PAK4: variants seen among roughly 807,000 people sequenced by gnomAD.
PAK4 encodes serine/threonine-protein kinase PAK 4.
A neutral mutation model predicts 53.5 loss-of-function variants in PAK4; 49 were observed. The observed-to-expected ratio is 0.92, with a 90% CI of 0.73 to 1.16. The LOEUF (loss-of-function observed/expected upper bound fraction) is 1.16, where lower values mean the gene tolerates loss of function less well. PAK4 is among the 50% of genes most tolerant of loss of function. The pLI, the probability that PAK4 is intolerant of heterozygous loss-of-function variation, is 0.00. For synonymous variants in PAK4, 376 were observed against 375.6 expected (o/e 1.00, Z -0.01); for missense variants, 824 against 850.7 (o/e 0.97, Z 0.39).
At chr19:39,156,813 T>G (rs1205412419) in intron 1 of PAK4, 2 of 152,242 alleles carry the variant, frequency 1.3e-5, no homozygotes, top group African/African-American at 4.8e-5. Context: ...CCCGCCCCAT[T>G]GAGGGTGGCC....
In PAK4 at chr19:39,175,132, C is replaced by A; in HGVS notation, c.1232+68C>A. 1 of 1,539,862 alleles carries A rather than the reference C, an allele frequency of 6.5e-7. No homozygotes were observed. The highest frequency in any genetic ancestry group is 8.8e-7 in the Non-Finnish European group (1 of 1,134,416). ...CCCCTCCAGACCACTAGGGGTGGGG[C>A]CACATCTCCAAACCAGCTGTGCTCC... On this transcript the variant is annotated intron_variant, in intron 5 of 8. Coordinates refer to ENST00000358301, the Ensembl canonical transcript of PAK4. The surrounding 1 kb of genome is among the most constrained non-coding windows in gnomAD (Gnocchi z 4.7).
intron 2 of PAK4, among the ~76,000 whole-genome samples, chr19:39,171,397 C>T (rs1431854369): frequency 5.9e-5 from 9 of 152,148 alleles, no homozygotes; most frequent in South Asian, 4.1e-4. Context: ...TTAGTAGAGA[C>T]GGGTTTTCGC....
At chr19:39,171,536 G>A (rs1321955174) in intron 2 of PAK4, among the ~76,000 whole-genome samples, 3 of 152,152 alleles carry the variant, frequency 2.0e-5, no homozygotes, top group Non-Finnish European at 4.4e-5. Context: ...GTCTGGCCTT[G>A]TGTCCACCTT....
intron 7 of PAK4, among the ~76,000 whole-genome samples, chr19:39,176,997 A>T (rs1346634792): frequency 6.6e-6 from 1 of 151,640 alleles, no homozygotes; most frequent in Non-Finnish European, 1.5e-5. Flanking sequence ...GCCTCCCGAG[A>T]AGCTGGTTTT....
Position 39,173,957 on chromosome 19 carries a change from G to C in PAK4, c.1045G>C (p.Val349Leu). Residue 349 changes from valine to leucine, a missense_variant, in exon 4 of 9, where the codon GTC becomes CTC. By Grantham distance (32) the Val-to-Leu change is conservative. Around this residue, in one of 2 missense-constraint regions of PAK4, gnomAD observed 346 missense variants for 415.0 expected, o/e 0.83. Coordinates refer to ENST00000358301, the Ensembl canonical transcript of PAK4. The surrounding 1 kb of genome is among the most constrained non-coding windows in gnomAD (Gnocchi z 6.9). ...GCGCAGCTCGGGCAAGCTGGTGGCC[G>C]TCAAGAAGATGGACCTGCGCAAGCA... is the stretch of plus-strand genomic sequence containing the variant. 2 of 1,610,124 alleles carry C rather than the reference G, an allele frequency of 1.2e-6. No individual in the cohort carries two copies. The highest frequency in any genetic ancestry group is 1.7e-6 in the Non-Finnish European group (2 of 1,179,222).
chr19:39,165,429 G>A (rs1033034364), intron 1 of PAK4, among the ~76,000 whole-genome samples: 59 of 149,984 alleles, frequency 3.9e-4, no homozygotes, highest in Non-Finnish European at 1.6e-4. Context: ...GCAGGAGAAT[G>A]GCGCAAACCC....
At chr19:39,160,953 A>T (rs1480670639) in intron 1 of PAK4, among the ~76,000 whole-genome samples, 1 of 151,908 alleles carries the variant, frequency 6.6e-6, no homozygotes, top group African/African-American at 2.4e-5. Context: ...GGGGATGTTG[A>T]CTTGCCTTCT....
At chr19:39,177,253 T>C (rs1225270187) in intron 7 of PAK4, among the ~76,000 whole-genome samples, 1 of 152,184 alleles carries the variant, frequency 6.6e-6, no homozygotes, top group Non-Finnish European at 1.5e-5. Flanking sequence ...GGGAAGTGTC[T>C]CCCACCTATG....
intron 1 of PAK4, among the ~76,000 whole-genome samples, chr19:39,126,832 G>T (rs1378886040): frequency 6.6e-6 from 1 of 152,192 alleles, no homozygotes; most frequent in African/African-American, 2.4e-5. Flanking sequence ...CTTGTGAAGT[G>T]AGTGCTCAAG....
rs764277316 is a variant in PAK4, at chr19:39,178,534, G to A, written c.1731G>A (p.Pro577=). The A allele has an allele frequency of 5.1e-5, 82 of 1,610,316 alleles. 2 individuals are homozygous for A. In the Admixed American group the frequency reaches 1.3e-3, roughly 25 times the overall value. ...ACCCATTCCTGGCCAAGGCAGGGCC[G>A]CCTGCCAGCATCGTGCCCCTCATGC... is the stretch of plus-strand genomic sequence containing the variant. Residue 577 remains proline (P), a synonymous_variant, in exon 9 of 9, where the codon CCG becomes CCA. Coordinates refer to ENST00000358301, the Ensembl canonical transcript of PAK4. The surrounding 1 kb of genome is among the most constrained non-coding windows in gnomAD (Gnocchi z 4.4).
chr19:39,172,327 C>A (rs566482920), intron 2 of PAK4, among the ~76,000 whole-genome samples: 15 of 152,124 alleles, frequency 9.9e-5, no homozygotes, highest in Non-Finnish European at 2.1e-4. Flanking sequence ...CCGGGTGACT[C>A]GGGATGCACT....
intron 1 of PAK4, among the ~76,000 whole-genome samples, chr19:39,149,722 G>A (rs1347651200): frequency 3.3e-5 from 5 of 152,140 alleles, no homozygotes; most frequent in Non-Finnish European, 7.4e-5. Flanking sequence ...TGGGCGTGGT[G>A]GTGGGCGCCT....
At chr19:39,158,120 A>AGTGC (rs1220559980) in intron 1 of PAK4, among the ~76,000 whole-genome samples, 2 of 147,532 alleles carry the variant, frequency 1.4e-5, no homozygotes, top group Non-Finnish European at 3.0e-5. Context: ...GCATTGTGTG[A>AGTGC]GTGCGTGCGT....
In PAK4 at chr19:39,178,499, C is replaced by T. The variant is rs1226648233; in HGVS notation, c.1696C>T (p.Leu566=). ...TGCCCAGCGGGCCACGGCAGCCGAG[C>T]TGCTGAAGCACCCATTCCTGGCCAA... Residue 566 remains leucine (L), a synonymous_variant, in exon 9 of 9, where the codon CTG becomes TTG. Coordinates refer to ENST00000358301, the Ensembl canonical transcript of PAK4. The surrounding 1 kb of genome is among the most constrained non-coding windows in gnomAD (Gnocchi z 4.4). 1 of 1,612,308 alleles carries T rather than the reference C, an allele frequency of 6.2e-7. No homozygotes were observed. The highest frequency in any genetic ancestry group is 8.5e-7 in the Non-Finnish European group (1 of 1,179,680).
chr19:39,169,305 G>A (rs919214002), intron 1 of PAK4, among the ~76,000 whole-genome samples: 2 of 152,134 alleles, frequency 1.3e-5, no homozygotes, highest in South Asian at 4.1e-4. Context: ...AGACAGAGCG[G>A]CAGGAAAGTT....
rs775997277 is a variant in PAK4 at position 39,175,470 on chromosome 19, G to A, written c.1359+32G>A. The stretch of plus-strand genomic sequence containing the variant: ...GGACGGGCGGCGGGGTACGGGGGCG[G>A]CAGGTTTCCGGCTGCGGGGCTTCCC... On this transcript the variant is annotated intron_variant, in intron 6 of 8. Transcript: ENST00000358301. This position sits in a 1 kb window ranked among gnomAD's most constrained non-coding sequence, Gnocchi z 4.7. 2 of 1,579,258 alleles carry A rather than the reference G, an allele frequency of 1.3e-6. No individual in the cohort carries two copies. The highest frequency in any genetic ancestry group is 1.2e-5 in the South Asian group (1 of 86,652).
Position 39,173,190 on chromosome 19 carries a change from GC to G in PAK4, c.480del (p.Lys161SerfsTer208). 1.3e-6 allele frequency: 2 copies of G among 1,545,594 alleles called. No individual in the cohort carries two copies. The highest frequency in any genetic ancestry group is 2.0e-5 in the Admixed American group (1 of 50,870). ...GGCGACGGGCGGGGCCAGAGAAGAG[GC>G]CCAAGTCTTCCAGGGAGGGCTCAGG... On this transcript the variant is annotated frameshift_variant, in exon 3 of 9. Transcript: ENST00000358301. LOFTEE classifies it high-confidence loss of function. This position sits in a 1 kb window ranked among gnomAD's most constrained non-coding sequence, Gnocchi z 6.9.
rs1284215008 is a variant in PAK4 at position 39,173,594 on chromosome 19, G to T, written c.682G>T (p.Ala228Ser). The T allele has an allele frequency of 1.2e-5, 19 of 1,526,118 alleles. No homozygotes were observed. The highest frequency in any genetic ancestry group is 1.7e-5 in the Non-Finnish European group (19 of 1,139,020). The allele number at this position is 1,526,118 out of a possible 1,614,324, so 94.5% of individuals were successfully genotyped here. ...GTTTCAGGGGGAGCCTCATGACGTG[G>T]CCCCTAACGGGCCATCAGCGGGGGG... Residue 228 changes from alanine (A) to serine (S), a missense_variant, in exon 4 of 9, where the codon GCC (alanine) becomes TCC (serine). By Grantham distance (99) the Ala-to-Ser change is moderately conservative. This residue lies in a region of PAK4 where 478 missense variants were observed against 435.8 expected (regional missense o/e 1.10). Coordinates refer to ENST00000358301, the Ensembl canonical transcript of PAK4. This position sits in a 1 kb window ranked among gnomAD's most constrained non-coding sequence, Gnocchi z 6.9.
intron 1 of PAK4, among the ~76,000 whole-genome samples, chr19:39,156,215 G>A (rs1406998313): frequency 6.6e-6 from 1 of 152,146 alleles, no homozygotes. Flanking sequence ...TCCCAGCCTT[G>A]GTCGGGGTGG....
Sources: allele counts gnomAD v4.1 joint callset (sites outside exome capture counted in the v4.1 genomes callset), GRCh38; gene constraint gnomAD v4.1.1; regional missense constraint gnomAD v4.1.1; non-coding constraint Gnocchi (gnomAD v3.1); transcripts MANE v1.5; gene names NCBI Gene and HGNC (gene_info 2026-07-23, HGNC 2026-07-21).